Variants in EVC2 observed in about 807,000 individuals in gnomAD.
EVC2 encodes the protein EvC ciliary complex subunit 2.
Under a neutral mutation model 149.3 loss-of-function variants are expected in EVC2, and 148 were observed. The ratio of observed to expected loss-of-function variants is 0.99; its 90% CI spans 0.87 to 1.14. The LOEUF is 1.14. EVC2 is among the 50% of genes most tolerant of loss of function. EVC2 has a pLI of 0.00. For missense variants in EVC2, 1,854 were observed against 1,627.3 expected, an observed-to-expected ratio of 1.14 and a Z score of -2.40; for synonymous variants, 776 against 649.9, an observed-to-expected ratio of 1.19 and a Z score of -2.95.
At chr4:5,671,295 G>A (rs1719633870) in intron 7 of EVC2, among the ~76,000 whole-genome samples, 1 of 152,140 alleles carries the variant, frequency 6.6e-6, no homozygotes, top group South Asian at 2.1e-4. Context: ...CCTTTATCAG[G>A]AGCCCTGCAT....
intron 18 of EVC2, among the ~76,000 whole-genome samples, chr4:5,575,326 G>A (rs2108777602): frequency 6.6e-6 from 1 of 152,302 alleles, no homozygotes; most frequent in South Asian, 2.1e-4. Context: ...TCAAAAGTTT[G>A]AACACAAGCC....
chr4:5,675,796 T>G (rs1577238511), intron 7 of EVC2, among the ~76,000 whole-genome samples: 2 of 152,100 alleles, frequency 1.3e-5, no homozygotes, highest in South Asian at 4.2e-4. Flanking sequence ...AATACAAAAT[T>G]AGCTGGGCCT....
chr4:5,597,402 G>A (rs1713540076), intron 16 of EVC2, among the ~76,000 whole-genome samples: 1 of 152,142 alleles, frequency 6.6e-6, no homozygotes, highest in African/African-American at 2.4e-5. Flanking sequence ...GGGATGGAAG[G>A]CTGGTTCAAT....
In EVC2 at chr4:5,622,411, C is replaced by A. The variant is rs982209857; in HGVS notation, c.2501+126G>T. 6 of 1,096,402 alleles carry A rather than the reference C, an allele frequency of 5.5e-6. No individual in the cohort carries two copies. The highest frequency in any genetic ancestry group is 1.6e-5 in the African/African-American group (1 of 64,310). 67.9% of individuals were successfully genotyped at this position (1,096,402 alleles called of 1,614,324 possible). ...GCGTTGAGTTTATATGACTAATTAA[C>A]GCTGGTAATCTCATCTGTCTGGGGC... On this transcript the variant is annotated intron_variant, in intron 14 of 21. Coordinates refer to ENST00000344408, the MANE Select transcript of EVC2 (RefSeq NM_147127.5). The surrounding 1 kb of genome is among the most constrained non-coding windows in gnomAD (Gnocchi z 5.8).
rs1716947240 is a variant in EVC2 at position 5,637,255 on chromosome 4, G to A, written c.1470+3259C>T. On this transcript the variant is annotated intron_variant, in intron 10 of 21. Coordinates refer to ENST00000344408, the MANE Select transcript of EVC2 (RefSeq NM_147127.5). The surrounding 1 kb of genome is among the most constrained non-coding windows in gnomAD (Gnocchi z 4.4). Reference sequence around the variant, plus strand: ...AAACATTCTAGGTGCCCCACAGGACGGGTTCACATGGGGCGCACAGCAGGG... The same window carrying A: ...AAACATTCTAGGTGCCCCACAGGACAGGTTCACATGGGGCGCACAGCAGGG... 6.6e-6 allele frequency among the ~76,000 whole-genome samples: 1 copy of A among 152,184 alleles called. No homozygotes were observed. Among genetic ancestry groups the A allele is most frequent in the Admixed American group, 6.5e-5 (1 of 15,284 alleles).
intron 1 of EVC2, among the ~76,000 whole-genome samples, chr4:5,697,921 T>C (rs571277749): frequency 6.6e-6 from 1 of 151,852 alleles, no homozygotes; most frequent in East Asian, 1.9e-4. Flanking sequence ...AATTTTTTTG[T>C]TTTGTATTTT....
intron 16 of EVC2, among the ~76,000 whole-genome samples, chr4:5,590,310 T>C (rs1404472101): frequency 6.6e-6 from 1 of 152,070 alleles, no homozygotes; most frequent in Non-Finnish European, 1.5e-5. Flanking sequence ...ATGGCAAGAA[T>C]TGGTAAGAGG....
At chr4:5,546,277 C>A (rs1270219958) in intron 21 of EVC2, among the ~76,000 whole-genome samples, 1 of 152,240 alleles carries the variant, frequency 6.6e-6, no homozygotes, top group African/African-American at 2.4e-5. Context: ...ATGTTTACTG[C>A]GGCACTGTTC....
chr4:5,560,920 T>C (rs1467654607), downstream of EVC2, among the ~76,000 whole-genome samples: 2 of 152,198 alleles, frequency 1.3e-5, no homozygotes, highest in African/African-American at 2.4e-5. The surrounding 1 kb of genome is among the most constrained non-coding windows in gnomAD (Gnocchi z 4.1). Flanking sequence ...CCAACACATC[T>C]TGGCATTTTT....
rs1300053987 is a variant in EVC2 at position 5,636,657 on chromosome 4, G to A, written c.1470+3857C>T. Reference sequence around the variant, plus strand: ...TGGATTTTGGTATCCATGGGGGTGGGATGGTGGGGAGGGTCCTGGAACCAA... The same window carrying A: ...TGGATTTTGGTATCCATGGGGGTGGAATGGTGGGGAGGGTCCTGGAACCAA... On this transcript the variant is annotated intron_variant, in intron 10 of 21. Coordinates refer to ENST00000344408, the MANE Select transcript of EVC2 (RefSeq NM_147127.5). This position sits in a 1 kb window ranked among gnomAD's most constrained non-coding sequence, Gnocchi z 4.6. Among the ~76,000 whole-genome samples, 1 of 152,092 alleles carries A rather than the reference G, an allele frequency of 6.6e-6. No homozygotes were observed. The highest frequency in any genetic ancestry group is 1.5e-5 in the Non-Finnish European group (1 of 68,018).
chr4:5,687,553 T>G (rs1433178991), intron 5 of EVC2, among the ~76,000 whole-genome samples: 2 of 151,826 alleles, frequency 1.3e-5, no homozygotes, highest in Non-Finnish European at 2.9e-5. Context: ...GTAGTCTCTG[T>G]GGAAGTTTGG....
At chr4:5,620,266 ACT>A (rs1273488911) in intron 14 of EVC2, among the ~76,000 whole-genome samples, 1 of 152,010 alleles carries the variant, frequency 6.6e-6, no homozygotes, top group African/African-American at 2.4e-5. Flanking sequence ...AGTGAAAGCA[ACT>A]CTGAGATGAC....
chr4:5,548,958 CTTCCTTCCTTCCTTCT>C (rs140280319), intron 21 of EVC2, among the ~76,000 whole-genome samples: 74,405 of 111,196 alleles, frequency 0.67, 21,150 homozygotes, highest in Non-Finnish European at 0.74. Context: ...TCCTTCCTTC[CTTCCTTCCTTCCTTCT>C]TTCTTTCTTT....
chr4:5,691,337 C>A lies in EVC2; in HGVS notation c.451-4G>T. Reference sequence around the variant, plus strand: ...CTTCTCTTGAAATGTCCCCATACTACAATAAAATGTAAAAGTTATTAGAAA... The same window carrying A: ...CTTCTCTTGAAATGTCCCCATACTAAAATAAAATGTAAAAGTTATTAGAAA... On this transcript the variant is annotated splice_region_variant and splice_polypyrimidine_tract_variant and intron_variant, in intron 3 of 21. Transcript: ENST00000344408. 6.2e-7 allele frequency: 1 copy of A among 1,608,088 alleles called. No individual in the cohort carries two copies.
intron 1 of EVC2, among the ~76,000 whole-genome samples, chr4:5,706,019 AG>A (rs907152358): frequency 6.6e-6 from 1 of 152,134 alleles, no homozygotes; most frequent in Admixed American, 6.5e-5. Flanking sequence ...TCCCAGCATC[AG>A]GGGGCCAGAG....
intron 20 of EVC2, 94 bp downstream of exon 20, chr4:5,568,350 A>T (rs1457626680): frequency 1.6e-6 from 2 of 1,278,678 alleles, no homozygotes; most frequent in African/African-American, 3.0e-5. Flanking sequence ...AAAAGTATGG[A>T]CAAAATACAT....
chr4:5,624,579 A>G (rs909819129), intron 13 of EVC2, among the ~76,000 whole-genome samples: 1 of 152,212 alleles, frequency 6.6e-6, no homozygotes, highest in Non-Finnish European at 1.5e-5. Flanking sequence ...GCTGCAAGAA[A>G]TAATATTCAC....
In EVC2 at chr4:5,698,715, T is replaced by G. The variant is rs530562582; in HGVS notation, c.229-1068A>C. On this transcript the variant is annotated intron_variant, in intron 1 of 21. Coordinates refer to ENST00000344408, the MANE Select transcript of EVC2 (RefSeq NM_147127.5). ...AAGCATTATACTCATTGTACAGCAC[T>G]ACCCCCAGTCTACAGTAATGAGATA... Among the ~76,000 whole-genome samples, 5 of 152,348 alleles carry G rather than the reference T, an allele frequency of 3.3e-5. No homozygotes were observed. In the South Asian group the frequency reaches 1.0e-3, roughly 32 times the overall value.
intron 11 of EVC2, among the ~76,000 whole-genome samples, chr4:5,631,571 G>C (rs1021593474): frequency 2.0e-5 from 3 of 151,692 alleles, no homozygotes; most frequent in African/African-American, 4.8e-5. Context: ...GTAGACTGGG[G>C]GGGGGAACTG....
Sources: gnomAD v4.1 joint callset for allele counts (sites outside exome capture counted in the v4.1 genomes callset) on GRCh38, gnomAD v4.1.1 for gene constraint, Gnocchi (gnomAD v3.1) non-coding constraint, MANE v1.5 for transcripts, NCBI Gene and HGNC (gene_info 2026-07-23, HGNC 2026-07-21) for gene names.